The following MEX3B variants were observed in gnomAD, a reference collection of about 807,000 sequenced individuals.
The protein encoded by MEX3B is RNA-binding protein MEX3B.
In MEX3B, 10 loss-of-function variants were observed where a neutral mutation model predicts 12.2. The observed-to-expected ratio is 0.82, with a 90% CI of 0.51 to 1.40. The LOEUF is 1.40. Among genes scored for constraint, MEX3B ranks in the 40% most tolerant of loss-of-function variants. The probability of loss-of-function intolerance (pLI) is 0.00; values close to 1 mark genes in which losing one functional copy is unlikely to be tolerated. For synonymous variants in MEX3B, 498 were observed against 356.3 expected, an observed-to-expected ratio of 1.40 and a Z score of -4.48; for missense variants, 839 against 801.4, an observed-to-expected ratio of 1.05 and a Z score of -0.57.
At position 82,043,888 on chromosome 15, in the gene MEX3B, C is replaced by A; in HGVS notation, c.982G>T (p.Ala328Ser). ...YSPPSPALSF[A>S]HNGNNNNNGN... ...TTATTGTTATTGTTTCCGTTGTGCG[C>A]AAAGCTCAGGGCGGGGCTAGGGGGG... Residue 328 changes from alanine to serine, a missense_variant, in exon 2 of 2, where the codon GCG becomes TCG. By Grantham distance (99) the Ala-to-Ser change is moderately conservative (BLOSUM62 1). Coordinates refer to ENST00000329713, the MANE Select transcript of MEX3B (RefSeq NM_032246.6). The A allele has an allele frequency of 6.3e-7, 1 of 1,590,162 alleles. No homozygotes were observed. The highest frequency in any genetic ancestry group is 2.2e-5 in the East Asian group (1 of 44,726).
At position 82,045,645 on chromosome 15, in the gene MEX3B, T is replaced by TGCCGCCGCC. The variant is rs560390686; in HGVS notation, c.52_60dup (p.Gly18_Gly20dup). On this transcript the variant is annotated inframe_insertion, in exon 1 of 2. Coordinates refer to ENST00000329713, the MANE Select transcript of MEX3B (RefSeq NM_032246.6). ...TCCAGGGTCTCTCCCCCTCCGCTGC[T>TGCCGCCGCC]GCCGCCGCCGCCGCCGCCGCTGCCG... The TGCCGCCGCC allele has an allele frequency of 3.0e-5, 47 of 1,575,690 alleles. No homozygotes were observed. Among genetic ancestry groups the TGCCGCCGCC allele is most frequent in the East Asian group, 7.0e-5 (3 of 42,820 alleles).
In MEX3B at chr15:82,042,888, A is replaced by T. The variant is rs185165233; in HGVS notation, c.*272T>A. On this transcript the variant is annotated 3_prime_UTR_variant, in exon 2 of 2. Transcript: ENST00000329713. ...TAGAATGTCGCCGTTCCTATTATTT[A>T]TAGAGCATGCATTTCAGGTGTTCAG... 1 of 324,512 alleles carries T rather than the reference A, an allele frequency of 3.1e-6. No homozygotes were observed. Among genetic ancestry groups the T allele is most frequent in the South Asian group, 1.4e-4 (1 of 6,932 alleles). The allele number at this position is 324,512 out of a possible 1,614,324, so 20.1% of individuals were successfully genotyped here.
Position 82,042,585 on chromosome 15 carries a change from T to C in MEX3B, c.*575A>G, listed in dbSNP as rs2073226632. The C allele has an allele frequency of 6.6e-6, 1 of 152,626 alleles. No individual in the cohort carries two copies. Among genetic ancestry groups the C allele is most frequent in the Non-Finnish European group, 1.5e-5 (1 of 68,038 alleles). 9.5% of individuals were successfully genotyped at this position (152,626 alleles called of 1,614,324 possible). A position where few individuals can be genotyped will look rare whatever the true frequency, so the allele number is the denominator to read the frequency against. ...AATATATAAGAGATATGTTACAGTTTCTTTAACTTTAATAAAGCTGCAGTA... is the reference window on the plus strand; with the variant it reads ...AATATATAAGAGATATGTTACAGTTCCTTTAACTTTAATAAAGCTGCAGTA... On this transcript the variant is annotated 3_prime_UTR_variant, in exon 2 of 2. Coordinates refer to ENST00000329713, the MANE Select transcript of MEX3B (RefSeq NM_032246.6).
At chr15:82,045,165 T>C (rs561656220) in intron 1 of MEX3B, 1 of 613,754 alleles carries the variant, frequency 1.6e-6, no homozygotes, top group South Asian at 1.9e-5. Flanking sequence ...CCAAGCATCT[T>C]ACATTTAAAT....
Position 82,042,160 on chromosome 15 carries a change from G to C in MEX3B, c.*1000C>G, listed in dbSNP as rs1395332224. On this transcript the variant is annotated 3_prime_UTR_variant, in exon 2 of 2. Coordinates refer to ENST00000329713, the MANE Select transcript of MEX3B (RefSeq NM_032246.6). Reference sequence around the variant, plus strand: ...ATACAAATGTTAGAAAGCATCAACAGTTCTTTTTGACATGTTTATACATTT... The same window carrying C: ...ATACAAATGTTAGAAAGCATCAACACTTCTTTTTGACATGTTTATACATTT... 1 of 152,576 alleles carries C rather than the reference G, an allele frequency of 6.6e-6. No individual in the cohort carries two copies. The highest frequency in any genetic ancestry group is 1.5e-5 in the Non-Finnish European group (1 of 68,032). 9.5% of individuals were successfully genotyped at this position (152,576 alleles called of 1,614,324 possible).
rs1341803966 is a variant in MEX3B, at chr15:82,043,662, G to A, written c.1208C>T (p.Ser403Phe). Reference sequence around the variant, plus strand: ...GAAGACCACGGAGGAGGAAGAAGCAGACGAAGATGCAGAAGAAGAGCAGGA... The same window carrying A: ...GAAGACCACGGAGGAGGAAGAAGCAAACGAAGATGCAGAAGAAGAGCAGGA... ...SSSCSSSASSSASSSSVVFPG... is the reference protein window; with the variant it reads ...SSSCSSSASSFASSSSVVFPG... Residue 403 changes from serine (S) to phenylalanine (F), a missense_variant, in exon 2 of 2, where the codon TCT (serine) becomes TTT (phenylalanine). Coordinates refer to ENST00000329713, the MANE Select transcript of MEX3B (RefSeq NM_032246.6). 3 of 1,611,192 alleles carry A rather than the reference G, an allele frequency of 1.9e-6. No homozygotes were observed. The highest frequency in any genetic ancestry group is 1.1e-5 in the South Asian group (1 of 90,798).
At chr15:82,045,155 C>G (rs1259358470) in intron 1 of MEX3B, 10 of 611,510 alleles carry the variant, frequency 1.6e-5, no homozygotes, top group Non-Finnish European at 2.6e-5. Flanking sequence ...GCCCCCTCCC[C>G]CAAGCATCTT....
chr15:82,045,055 G>A, intron 1 of MEX3B: 1 of 595,414 alleles, frequency 1.7e-6, no homozygotes, highest in Non-Finnish European at 3.0e-6. Flanking sequence ...TTCCTCCTCT[G>A]GGCTCCATTC....
In MEX3B at chr15:82,044,159, G is replaced by A. The variant is rs772776587; in HGVS notation, c.711C>T (p.Asp237=). Residue 237 remains aspartate (D), a synonymous_variant, in exon 2 of 2, where the codon GAC becomes GAT. Coordinates refer to ENST00000329713, the MANE Select transcript of MEX3B (RefSeq NM_032246.6). This position sits in a 1 kb window ranked among gnomAD's most constrained non-coding sequence, Gnocchi z 5.3. The part of the protein sequence containing the change: ...LRTGGIIELT[D]ENDFHANGTD... ...TGCCGTTGGCGTGGAAGTCGTTCTC[G>A]TCTGTGAGCTCAATGATGCCGCCGG... 4 of 1,613,910 alleles carry A rather than the reference G, an allele frequency of 2.5e-6. No homozygotes were observed. The highest frequency in any genetic ancestry group is 1.7e-5 in the Admixed American group (1 of 60,032).
chr15:82,044,295 G>T lies in MEX3B; in HGVS notation c.575C>A (p.Thr192Lys). Residue 192 changes from threonine (T) to lysine (K), a missense_variant, in exon 2 of 2, where the codon ACG (threonine) becomes AAG (lysine). Thr to Lys is a moderately conservative substitution (Grantham distance 78). Transcript: ENST00000329713. This position sits in a 1 kb window ranked among gnomAD's most constrained non-coding sequence, Gnocchi z 5.3. ...ATCCCGGCTGGGCGTCACGATGTAC[G>T]TGTGCGTCTGCTGCTGGATGCGCTT... is the stretch of plus-strand genomic sequence containing the variant. ...TIKRIQQQTH[T>K]YIVTPSRDKE... 6.2e-7 allele frequency: 1 copy of T among 1,613,568 alleles called. No individual in the cohort carries two copies. The highest frequency in any genetic ancestry group is 8.5e-7 in the Non-Finnish European group (1 of 1,180,008).
At chr15:82,045,308 C>T in intron 1 of MEX3B, 142 bp downstream of exon 1, 1 of 1,015,702 alleles carries the variant, frequency 9.8e-7, no homozygotes, top group Non-Finnish European at 1.5e-6. Flanking sequence ...TTGTCTGGGG[C>T]GCCGGCCCAT....
In MEX3B at chr15:82,045,891, C is replaced by T. The variant is rs1300494561; in HGVS notation, c.-186G>A. On this transcript the variant is annotated 5_prime_UTR_variant, in exon 1 of 2. Coordinates refer to ENST00000329713, the MANE Select transcript of MEX3B (RefSeq NM_032246.6). ...CCGTGCGGTCCGCACCGGGCAGTGG[C>T]TGCAGGAGCCCCCACCTGGGTCCCC... The T allele has an allele frequency of 1.8e-6, 1 of 571,024 alleles. No homozygotes were observed. Among genetic ancestry groups the T allele is most frequent in the African/African-American group, 2.0e-5 (1 of 50,936 alleles). The allele number at this position is 571,024 out of a possible 1,614,324, so 35.4% of individuals were successfully genotyped here. A position where few individuals can be genotyped will look rare whatever the true frequency, so the allele number is the denominator to read the frequency against.
intron 1 of MEX3B, 28 bp downstream of exon 1, chr15:82,045,421 AC>A: frequency 1.4e-6 from 1 of 697,258 alleles, no homozygotes. Context: ...CACCACCCCC[AC>A]CCACCTCCCC....
rs768510735 is a variant in MEX3B, at chr15:82,043,401, G to A, written c.1469C>T (p.Thr490Met). Residue 490 changes from threonine to methionine, a missense_variant, in exon 2 of 2, where the codon ACG becomes ATG. Around this residue, in one of 3 missense-constraint regions of MEX3B, gnomAD observed 573 missense variants for 488.9 expected, o/e 1.17. Transcript: ENST00000329713. The stretch of plus-strand genomic sequence containing the variant: ...GCTGGACGAAGAGGAGGAGCCCGAC[G>A]TGTCCGACGGCTGCAAGCCAGGCAG... Reference protein sequence around the residue: ...AQLPGLQPSDTSGSSSSSSSS... With the variant: ...AQLPGLQPSDMSGSSSSSSSS... The A allele has an allele frequency of 1.3e-6, 2 of 1,580,852 alleles. No individual in the cohort carries two copies. The highest frequency in any genetic ancestry group is 1.2e-5 in the South Asian group (1 of 85,860).
In MEX3B at chr15:82,044,188, G is replaced by C; in HGVS notation, c.682C>G (p.Arg228Gly). 1 of 1,614,014 alleles carries C rather than the reference G, an allele frequency of 6.2e-7. No homozygotes were observed. Among genetic ancestry groups the C allele is most frequent in the Non-Finnish European group, 8.5e-7 (1 of 1,180,042 alleles). The part of the protein sequence containing the change: ...REEIEAHIAL[R>G]TGGIIELTDE... The stretch of plus-strand genomic sequence containing the variant: ...GTGAGCTCAATGATGCCGCCGGTAC[G>C]CAGAGCAATGTGCGCCTCAATCTCC... The change falls in exon 2 of 2, where the codon CGT becomes GGT. Residue 228 changes from arginine (R) to glycine (G), a missense_variant. Transcript: ENST00000329713. The surrounding 1 kb of genome is among the most constrained non-coding windows in gnomAD (Gnocchi z 5.3).
At position 82,045,829 on chromosome 15, in the gene MEX3B, G is replaced by C; in HGVS notation, c.-124C>G. On this transcript the variant is annotated 5_prime_UTR_variant, in exon 1 of 2. Transcript: ENST00000329713. ...AGGCCGGTCGCCTGCTGAGGGCTCCGTTGCTTCTTCCTCGGTGCTGGGAGG... is the reference window on the plus strand; with the variant it reads ...AGGCCGGTCGCCTGCTGAGGGCTCCCTTGCTTCTTCCTCGGTGCTGGGAGG... 2 of 1,099,346 alleles carry C rather than the reference G, an allele frequency of 1.8e-6. No individual in the cohort carries two copies. The allele number at this position is 1,099,346 out of a possible 1,614,324, so 68.1% of individuals were successfully genotyped here. A position where few individuals can be genotyped will look rare whatever the true frequency, so the allele number is the denominator to read the frequency against.
chr15:82,045,714 C>T lies in MEX3B; in HGVS notation c.-9G>A. On this transcript the variant is annotated 5_prime_UTR_variant, in exon 1 of 2. Transcript: ENST00000329713. ...AACAGCGAGCTGGGCATCGCTCGGC[C>T]GTGCGCGCCGCGCCCCCGCCGGCCC... is the stretch of plus-strand genomic sequence containing the variant. The T allele has an allele frequency of 7.5e-7, 1 of 1,336,886 alleles. No individual in the cohort carries two copies. The highest frequency in any genetic ancestry group is 9.5e-7 in the Non-Finnish European group (1 of 1,052,218). The allele number at this position is 1,336,886 out of a possible 1,614,324, so 82.8% of individuals were successfully genotyped here. A position where few individuals can be genotyped will look rare whatever the true frequency, so the allele number is the denominator to read the frequency against.
In MEX3B at chr15:82,044,350, G is replaced by A; in HGVS notation, c.520C>T (p.Leu174Phe). Residue 174 changes from leucine to phenylalanine, a missense_variant, in exon 2 of 2, where the codon CTC (leucine) becomes TTC (phenylalanine). Physicochemically the swap from Leu to Phe is conservative, Grantham distance 22. Transcript: ENST00000329713. The surrounding 1 kb of genome is among the most constrained non-coding windows in gnomAD (Gnocchi z 5.3). Reference protein sequence around the residue: ...QVRVPYRVVGLVVGPKGATIK... With the variant: ...QVRVPYRVVGFVVGPKGATIK... ...GTGGCGCCTTTGGGCCCCACCACGA[G>A]CCCCACCACGCGGTAGGGTACCCGC... 1 of 1,611,870 alleles carries A rather than the reference G, an allele frequency of 6.2e-7. No individual in the cohort carries two copies. Among genetic ancestry groups the A allele is most frequent in the Non-Finnish European group, 8.5e-7 (1 of 1,179,830 alleles).
chr15:82,043,576 G>A lies in MEX3B; in HGVS notation c.1294C>T (p.Leu432=), dbSNP rs1346991120. The change falls in exon 2 of 2, where the codon CTG becomes TTG. Residue 432 remains leucine, a synonymous_variant. Transcript: ENST00000329713. The part of the protein sequence containing the change: ...ANLGLLVHRR[L]HPGTSCPRLS... ...CGCGGGCAGCTGGTGCCAGGGTGCA[G>A]CCGGCGGTGCACCAATAGCCCCAGG... is the stretch of plus-strand genomic sequence containing the variant. 1.3e-6 allele frequency: 2 copies of A among 1,562,558 alleles called. No homozygotes were observed. The highest frequency in any genetic ancestry group is 2.0e-5 in the Admixed American group (1 of 50,904).
Sources: allele counts gnomAD v4.1 joint callset, GRCh38; gene constraint gnomAD v4.1.1; regional missense constraint gnomAD v4.1.1; non-coding constraint Gnocchi (gnomAD v3.1); transcripts MANE v1.5; gene names NCBI Gene and HGNC (gene_info 2026-07-23, HGNC 2026-07-21).